The following GNB5 variants were observed in gnomAD, a reference collection of about 807,000 sequenced individuals.
GNB5 encodes guanine nucleotide-binding protein subunit beta-5.
In GNB5, 37 loss-of-function variants were observed where a neutral mutation model predicts 55.3. That is an observed-to-expected ratio of 0.67 (90% confidence interval 0.51 to 0.88). GNB5 has a LOEUF of 0.88. Among genes scored for constraint, GNB5 ranks in the 40% least tolerant of loss-of-function variants. GNB5 has a pLI of 0.00. For synonymous variants in GNB5, 219 were observed against 198.5 expected (o/e 1.10, Z -0.87); for missense variants, 476 against 515.3 (o/e 0.92, Z 0.74).
Position 52,132,818 on chromosome 15 carries a change from C to A in GNB5, c.863+560G>T, listed in dbSNP as rs534106039. Among the ~76,000 whole-genome samples, 21 of 152,112 alleles carry A rather than the reference C, an allele frequency of 1.4e-4. No homozygotes were observed. In the South Asian group the frequency reaches 2.7e-3, roughly 20 times the overall value. ...TCAAAACTCTCCAGTGACCACCTGG[C>A]CTTTTGTTAGGTCCCTTAACCTCTC... On this transcript the variant is annotated intron_variant, in intron 9 of 12. Transcript: ENST00000261837.
At chr15:52,153,648 A>G (rs1292317205) in intron 4 of GNB5, among the ~76,000 whole-genome samples, 1 of 152,086 alleles carries the variant, frequency 6.6e-6, no homozygotes, top group Admixed American at 6.5e-5. Flanking sequence ...TGGAAAAAAA[A>G]GAAACTATTT....
At chr15:52,167,947 T>G (rs1431404234) in intron 3 of GNB5, among the ~76,000 whole-genome samples, 1 of 152,138 alleles carries the variant, frequency 6.6e-6, no homozygotes, top group African/African-American at 2.4e-5. Context: ...TCAATAAAAT[T>G]CAACATCCCT....
At position 52,149,857 on chromosome 15, in the gene GNB5, A is replaced by G. The variant is rs374839100; in HGVS notation, c.417+27T>C. ...AGTAGGCTGGGATTCTGAAGCCTCT[A>G]TAACGTGGCTGGGAACAATGCCTCA... On this transcript the variant is annotated intron_variant, in intron 5 of 12. Coordinates refer to ENST00000261837, the MANE Select transcript of GNB5 (RefSeq NM_016194.4). 26 of 1,577,088 alleles carry G rather than the reference A, an allele frequency of 1.6e-5. No homozygotes were observed. Among genetic ancestry groups the G allele is most frequent in the Non-Finnish European group, 2.1e-5 (24 of 1,146,422 alleles).
intron 6 of GNB5, among the ~76,000 whole-genome samples, chr15:52,141,930 T>C (rs539615790): frequency 1.3e-5 from 2 of 152,286 alleles, no homozygotes; most frequent in African/African-American, 2.4e-5. Flanking sequence ...ATTGCATTCA[T>C]TTGTTATGTC....
At chr15:52,190,382 G>A (rs2034903495) in intron 1 of GNB5, among the ~76,000 whole-genome samples, 1 of 152,084 alleles carries the variant, frequency 6.6e-6, no homozygotes, top group South Asian at 2.1e-4. Context: ...CTCCCAAAGT[G>A]CTGGGATTAC....
intron 6 of GNB5, among the ~76,000 whole-genome samples, chr15:52,142,577 T>C (rs1248683834): frequency 6.6e-6 from 1 of 151,928 alleles, no homozygotes; most frequent in African/African-American, 2.4e-5. Context: ...TTTTTTAATA[T>C]ATGTATGACC....
chr15:52,125,684 G>A (rs1177932860), intron 11 of GNB5: 1 of 323,324 alleles, frequency 3.1e-6, no homozygotes, highest in Admixed American at 4.6e-5. Context: ...TTGTGGAAGT[G>A]AATTTCTGAC....
At chr15:52,144,435 T>C (rs1452635426) in intron 6 of GNB5, 2 of 152,162 alleles carry the variant, frequency 1.3e-5, no homozygotes, top group East Asian at 3.9e-4. Flanking sequence ...TAGAAACATA[T>C]TACCCTAGGA....
intron 4 of GNB5, 32 bp downstream of exon 4, chr15:52,153,908 C>T (rs770027996): frequency 2.3e-5 from 36 of 1,588,938 alleles, no homozygotes; most frequent in Middle Eastern, 1.7e-4. Context: ...ATCCAAAACC[C>T]GCTCACCTGT....
chr15:52,128,127 A>G, intron 10 of GNB5, 69 bp downstream of exon 10: 1 of 1,009,786 alleles, frequency 9.9e-7, no homozygotes, highest in South Asian at 1.3e-5. Flanking sequence ...AAAAATAGTT[A>G]TTTTCTTAAA....
chr15:52,151,237 C>G (rs530148815), intron 4 of GNB5, among the ~76,000 whole-genome samples: 1 of 152,282 alleles, frequency 6.6e-6, no homozygotes, highest in African/African-American at 2.4e-5. Context: ...GGGTCCTCCA[C>G]ACCTGGAGCC....
chr15:52,168,238 T>C lies in GNB5; in HGVS notation c.238+11530A>G, dbSNP rs559005732. On this transcript the variant is annotated intron_variant, in intron 3 of 12. Transcript: ENST00000261837. ...TTTGTTTGCAGATGACAAGATCCTA[T>C]ATCTAGAAAACCCCATCGTCTAAGC... 1.0e-3 allele frequency among the ~76,000 whole-genome samples: 153 copies of C among 152,310 alleles called. 1 individual carries two copies. The highest frequency in any genetic ancestry group is 1.1e-3 in the Non-Finnish European group (73 of 68,020).
In GNB5 at chr15:52,141,153, T is replaced by C. The variant is rs1231979490; in HGVS notation, c.614A>G (p.Asn205Ser). The C allele has an allele frequency of 7.4e-6, 12 of 1,613,916 alleles. 1 individual carries two copies. The Admixed American group carries it at 8.3e-5, about 11-fold the overall frequency. Residue 205 changes from asparagine (N) to serine (S), a missense_variant, in exon 7 of 13, where the codon AAC becomes AGC. By Grantham distance (46) the Asn-to-Ser change is conservative. Coordinates refer to ENST00000261837, the MANE Select transcript of GNB5 (RefSeq NM_016194.4). ...TNYLSACSFT[N>S]SDMQILTASG... ...CTGCCTATTTACCTGCATGTCAGAG[T>C]TGGTGAAGCTGCAGGCCGACAGGTA...
intron 11 of GNB5, 116 bp downstream of exon 11, chr15:52,125,832 C>T (rs2033409274): frequency 1.6e-6 from 1 of 627,678 alleles, no homozygotes; most frequent in African/African-American, 1.8e-5. Flanking sequence ...GATGATTTCG[C>T]ATACTGGTCC....
intron 7 of GNB5, chr15:52,139,923 G>A: frequency 9.3e-6 from 12 of 1,286,528 alleles, no homozygotes; most frequent in Non-Finnish European, 1.1e-5. Context: ...AGCCCCCTGA[G>A]CCTGCCTTCA....
At chr15:52,180,055 C>G in intron 2 of GNB5, 176 bp from the exon 3 acceptor site, 2 of 773,748 alleles carry the variant, frequency 2.6e-6, no homozygotes, top group East Asian at 8.4e-5. Flanking sequence ...GACCCCGCAC[C>G]TGGGCGCGCG....
intron 3 of GNB5, among the ~76,000 whole-genome samples, chr15:52,165,506 T>C (rs1270510470): frequency 2.0e-5 from 3 of 152,070 alleles, no homozygotes; most frequent in South Asian, 2.1e-4. Context: ...GACCTCTCAG[T>C]GGAAACCTTA....
intron 3 of GNB5, among the ~76,000 whole-genome samples, chr15:52,164,812 T>A (rs543876478): frequency 6.6e-6 from 1 of 151,894 alleles, no homozygotes; most frequent in South Asian, 2.1e-4. Flanking sequence ...CTTCTCCACG[T>A]GATCACAGCA....
intron 7 of GNB5, chr15:52,139,922 A>C (rs929877598): frequency 1.2e-5 from 15 of 1,286,394 alleles, no homozygotes; most frequent in Non-Finnish European, 1.4e-5. Flanking sequence ...TAGCCCCCTG[A>C]GCCTGCCTTC....
Sources: allele counts gnomAD v4.1 joint callset (sites outside exome capture counted in the v4.1 genomes callset), GRCh38; gene constraint gnomAD v4.1.1; transcripts MANE v1.5; gene names NCBI Gene and HGNC (gene_info 2026-07-23, HGNC 2026-07-21).